The following PER3 variants were observed in gnomAD, a reference collection of about 807,000 sequenced individuals.
PER3 encodes the protein period circadian protein homolog 3.
Under a neutral mutation model 127.2 loss-of-function variants are expected in PER3, and 107 were observed. That is an observed-to-expected ratio of 0.84 (90% CI 0.72 to 0.99). The LOEUF is 0.99. PER3 is among the 50% of genes least tolerant of loss of function. The pLI is 0.00. For missense variants in PER3, 1,560 were observed against 1,525.8 expected (o/e 1.02, Z -0.37); for synonymous variants, 618 against 585.8 (o/e 1.05, Z -0.79).
chr1:7,834,337 GT>G (rs1193701818), intron 19 of PER3, among the ~76,000 whole-genome samples: 2 of 152,060 alleles, frequency 1.3e-5, no homozygotes, highest in African/African-American at 4.8e-5. Flanking sequence ...TGTCCCCTTT[GT>G]CTTTTGTGCT....
chr1:7,829,700 C>A, intron 18 of PER3, 134 bp from the exon 19 acceptor site: 1 of 688,660 alleles, frequency 1.5e-6, no homozygotes, highest in Non-Finnish European at 2.5e-6. Flanking sequence ...CTGGAATTTT[C>A]CATTTACTAT....
At chr1:7,825,587 G>A (rs536484622) in intron 16 of PER3, among the ~76,000 whole-genome samples, 1 of 152,116 alleles carries the variant, frequency 6.6e-6, no homozygotes, top group East Asian at 1.9e-4. Context: ...ATTCATCCTC[G>A]TTCATATGTA....
At chr1:7,807,188 A>T (rs968028092) in intron 10 of PER3, among the ~76,000 whole-genome samples, 3 of 152,162 alleles carry the variant, frequency 2.0e-5, no homozygotes, top group Non-Finnish European at 4.4e-5. Flanking sequence ...AGACAGTTAC[A>T]TAAAACGTAT....
At chr1:7,786,193 T>A (rs2097089632) in intron 3 of PER3, among the ~76,000 whole-genome samples, 1 of 152,186 alleles carries the variant, frequency 6.6e-6, no homozygotes, top group Non-Finnish European at 1.5e-5. Flanking sequence ...AGGCGGAGCT[T>A]GCAGTGAGCC....
At chr1:7,815,317 A>C (rs2097242678) in intron 13 of PER3, among the ~76,000 whole-genome samples, 1 of 152,264 alleles carries the variant, frequency 6.6e-6, no homozygotes, top group African/African-American at 2.4e-5. Flanking sequence ...GAAAAGATCC[A>C]GCTACATACT....
At position 7,830,078 on chromosome 1, in the gene PER3, C is replaced by T. The variant is rs1458227614; in HGVS notation, c.3131C>T (p.Thr1044Ile). 3 of 1,611,588 alleles carry T rather than the reference C, an allele frequency of 1.9e-6. No homozygotes were observed. In the South Asian group the frequency reaches 3.3e-5, roughly 18 times the overall value. ...TLSMGLPPSR[T>I]PSHPTATVLS... ...TCCATGGGATTGCCTCCCAGCAGGA[C>T]TCCATCCCATCCTACTGCCACTGTT... The change falls in exon 19 of 22, where the codon ACT (threonine) becomes ATT (isoleucine). Residue 1044 changes from threonine to isoleucine, a missense_variant. This residue lies in a region of PER3 where 29 missense variants were observed against 103.6 expected (regional missense o/e 0.28). Transcript: ENST00000377532.
In PER3 at chr1:7,788,074, G is replaced by C. The variant is rs2097100526; in HGVS notation, c.420G>C (p.Leu140=). ...CCTTTGTGGCAGTATTTTCATTTCT[G>C]TCTGGAAGGTTAGTGCACATTTCTG... is the stretch of plus-strand genomic sequence containing the variant. ...TDTFVAVFSF[L]SGRLVHISEQ... Residue 140 remains leucine, a synonymous_variant, in exon 5 of 22, where the codon CTG becomes CTC. Transcript: ENST00000377532. 1.2e-6 allele frequency: 2 copies of C among 1,613,332 alleles called. No homozygotes were observed. Among genetic ancestry groups the C allele is most frequent in the Middle Eastern group, 1.6e-4 (1 of 6,062 alleles).
rs199612990 is a variant in PER3, at chr1:7,797,645, A to AG, written c.645-880_645-879insG. Among the ~76,000 whole-genome samples, 140 of 152,066 alleles carry AG rather than the reference A, an allele frequency of 9.2e-4. 1 individual carries two copies. The East Asian group carries it at 0.024, about 27-fold the overall frequency. On this transcript the variant is annotated intron_variant, in intron 6 of 21. Transcript: ENST00000377532. The stretch of plus-strand genomic sequence containing the variant: ...AGCGAGACTCCGTCTTTAAAAAAAA[A>AG]AAAAAAAGAAAAAAAAGTGAGGTGG...
chr1:7,785,076 C>G, intron 2 of PER3, 71 bp downstream of exon 2: 1 of 1,497,234 alleles, frequency 6.7e-7, no homozygotes, highest in Non-Finnish European at 9.0e-7. Context: ...AAAGGGGGAC[C>G]TAAATCTTTT....
chr1:7,815,991 C>CA (rs34144861), intron 13 of PER3, among the ~76,000 whole-genome samples: 17,600 of 66,646 alleles, frequency 0.26, 4,057 homozygotes, highest in African/African-American at 0.3. Context: ...GACTCCGTCT[C>CA]AAAAAAAAAA....
At chr1:7,808,741 C>T (rs2097206744) in intron 10 of PER3, 152 bp from the exon 11 acceptor site, 1 of 609,922 alleles carries the variant, frequency 1.6e-6, no homozygotes, top group Non-Finnish European at 2.9e-6. Context: ...TTTTCTGTAC[C>T]TTCATGAATA....
rs768695578 is a variant in PER3, at chr1:7,784,873, T to G, written c.-5T>G. 6.0e-6 allele frequency: 9 copies of G among 1,497,116 alleles called. No homozygotes were observed. Among genetic ancestry groups the G allele is most frequent in the Middle Eastern group, 2.0e-4 (1 of 5,034 alleles). The allele number at this position is 1,497,116 out of a possible 1,614,324, so 92.7% of individuals were successfully genotyped here. On this transcript the variant is annotated 5_prime_UTR_variant, in exon 2 of 22. Transcript: ENST00000377532. Reference sequence around the variant, plus strand: ...CACGACGTGGAGCCCCGCGGAGACCTCGAGATGCCCCGCGGGGAAGCTCCT... The same window carrying G: ...CACGACGTGGAGCCCCGCGGAGACCGCGAGATGCCCCGCGGGGAAGCTCCT...
At chr1:7,785,976 G>A (rs764849875) in intron 3 of PER3, among the ~76,000 whole-genome samples, 4 of 152,202 alleles carry the variant, frequency 2.6e-5, no homozygotes, top group Non-Finnish European at 5.9e-5. Flanking sequence ...CAGTAATGAG[G>A]CTGGGCGCGG....
rs1167069848 is a variant in PER3 at position 7,785,475 on chromosome 1, C to A, written c.163C>A (p.Leu55Ile). The change falls in exon 3 of 22, where the codon CTT becomes ATT. Residue 55 changes from leucine (L) to isoleucine (I), a missense_variant. Physicochemically the swap from Leu to Ile is conservative, Grantham distance 5. This residue lies in a region of PER3 where 1,332 missense variants were observed against 1,223.6 expected (regional missense o/e 1.09). Transcript: ENST00000377532. ...AGATCGAAACAGAGTTTCTGAAGAA[C>A]TTATCATGGTTGTCCAAGAAATGAA... ...QQDRNRVSEE[L>I]IMVVQEMKKY... 2 of 1,612,604 alleles carry A rather than the reference C, an allele frequency of 1.2e-6. No individual in the cohort carries two copies. The highest frequency in any genetic ancestry group is 3.3e-5 in the Admixed American group (2 of 59,996).
In PER3 at chr1:7,809,981, A is replaced by G. The variant is rs770416417; in HGVS notation, c.1331A>G (p.Glu444Gly). Residue 444 changes from glutamate (E) to glycine (G), a missense_variant, in exon 12 of 22, where the codon GAG becomes GGG. Coordinates refer to ENST00000377532, the MANE Select transcript of PER3 (RefSeq NM_001377275.1). ...CTTGTCAGCATCGCCTCCTCCAGTG[A>G]GGCCAGTGGGCACCGTGTGGAGGAG... The part of the protein sequence containing the change: ...EQLVSIASSS[E>G]ASGHRVEETK... 31 of 1,613,974 alleles carry G rather than the reference A, an allele frequency of 1.9e-5. No individual in the cohort carries two copies. Among genetic ancestry groups the G allele is most frequent in the Non-Finnish European group, 2.5e-5 (29 of 1,179,846 alleles).
chr1:7,792,700 A>G (rs1344201927), intron 5 of PER3, among the ~76,000 whole-genome samples: 1 of 152,208 alleles, frequency 6.6e-6, no homozygotes, highest in African/African-American at 2.4e-5. Context: ...AGCTGTTGTC[A>G]ACCTCTGGTC....
chr1:7,796,431 A>C (rs1577678358), intron 6 of PER3, among the ~76,000 whole-genome samples: 1 of 144,384 alleles, frequency 6.9e-6, no homozygotes, highest in African/African-American at 2.6e-5. Flanking sequence ...CAATTCTCCC[A>C]CCTCAGCCTC....
At chr1:7,830,528 T>C (rs2097326548) in intron 19 of PER3, among the ~76,000 whole-genome samples, 1 of 152,198 alleles carries the variant, frequency 6.6e-6, no homozygotes, top group South Asian at 2.1e-4. Context: ...TTTCCTATGA[T>C]TTATGTATAG....
chr1:7,788,087 G>A lies in PER3; in HGVS notation c.433G>A (p.Val145Met), dbSNP rs2097100615. Residue 145 changes from valine (V) to methionine (M), a missense_variant, in exon 5 of 22, where the codon GTG becomes ATG. By Grantham distance (21) the Val-to-Met change is conservative (BLOSUM62 1). Coordinates refer to ENST00000377532, the MANE Select transcript of PER3 (RefSeq NM_001377275.1). ...AVFSFLSGRLVHISEQAALIL... is the reference protein window; with the variant it reads ...AVFSFLSGRLMHISEQAALIL... ...ATTTTCATTTCTGTCTGGAAGGTTA[G>A]TGCACATTTCTGAACAGGCTGCTTT... The A allele has an allele frequency of 1.9e-6, 3 of 1,613,960 alleles. No homozygotes were observed. The highest frequency in any genetic ancestry group is 1.7e-6 in the Non-Finnish European group (2 of 1,179,850).
Sources: allele counts gnomAD v4.1 joint callset (sites outside exome capture counted in the v4.1 genomes callset), GRCh38; gene constraint gnomAD v4.1.1; regional missense constraint gnomAD v4.1.1; transcripts MANE v1.5; gene names NCBI Gene and HGNC (gene_info 2026-07-23, HGNC 2026-07-21).